Variants in LRP1B observed in about 807,000 individuals in gnomAD.
The protein encoded by LRP1B is low-density lipoprotein receptor-related protein 1B.
In LRP1B, 217 loss-of-function variants were observed where a neutral mutation model predicts 556.6. The ratio of observed to expected loss-of-function variants is 0.39; its 90% CI spans 0.35 to 0.44. The LOEUF is 0.44. Ranked by LOEUF, LRP1B falls within the 20% of genes least tolerant of loss-of-function variation. The probability of loss-of-function intolerance (pLI) is 1.00; values close to 1 mark genes in which losing one functional copy is unlikely to be tolerated. For missense variants in LRP1B, 5,053 were observed against 5,620.8 expected, an observed-to-expected ratio of 0.90 and a Z score of 3.23; for synonymous variants, 2,047 against 1,865.8, an observed-to-expected ratio of 1.10 and a Z score of -2.50.
intron 67 of LRP1B, among the ~76,000 whole-genome samples, chr2:140,383,162 A>G (rs900780612): frequency 6.6e-6 from 1 of 152,142 alleles, no homozygotes; most frequent in Non-Finnish European, 1.5e-5. Flanking sequence ...TATGTCTGTG[A>G]TATGTTTCAC....
chr2:140,628,124 C>G (rs1475858658), intron 41 of LRP1B, among the ~76,000 whole-genome samples: 1 of 152,136 alleles, frequency 6.6e-6, no homozygotes, highest in Non-Finnish European at 1.5e-5. Flanking sequence ...AAATGCGGTG[C>G]CTTCACAATC....
At chr2:140,449,601 A>G (rs1390718146) in intron 63 of LRP1B, among the ~76,000 whole-genome samples, 1 of 152,196 alleles carries the variant, frequency 6.6e-6, no homozygotes, top group Non-Finnish European at 1.5e-5. Flanking sequence ...GCTTTCAAAC[A>G]TATGCACTAT....
At chr2:141,334,609 T>C (rs1360859700) in intron 3 of LRP1B, among the ~76,000 whole-genome samples, 1 of 152,222 alleles carries the variant, frequency 6.6e-6, no homozygotes, top group East Asian at 1.9e-4. Context: ...TGGAGTGTAG[T>C]GGCACCATCT....
intron 3 of LRP1B, among the ~76,000 whole-genome samples, chr2:141,264,705 T>C (rs1684823270): frequency 6.6e-6 from 1 of 152,226 alleles, no homozygotes; most frequent in African/African-American, 2.4e-5. Context: ...TCCACCTGCC[T>C]TGGCCTCCCG....
chr2:140,886,362 C>T (rs1363900727), intron 23 of LRP1B, 27 bp from the exon 24 acceptor site: 9 of 1,307,112 alleles, frequency 6.9e-6, no homozygotes, highest in Non-Finnish European at 9.6e-6. Context: ...TTTTAATAGG[C>T]TTATGAAAAT....
chr2:140,718,371 A>T (rs1687283673), intron 35 of LRP1B, among the ~76,000 whole-genome samples: 1 of 151,912 alleles, frequency 6.6e-6, no homozygotes. Flanking sequence ...TCCATTACCA[A>T]GCATTTTTTG....
intron 2 of LRP1B, among the ~76,000 whole-genome samples, chr2:141,784,062 T>A (rs943413065): frequency 6.6e-6 from 1 of 152,110 alleles, no homozygotes; most frequent in Non-Finnish European, 1.5e-5. Flanking sequence ...CTTTTTTAAG[T>A]GATCGCATTT....
At chr2:141,765,832 A>T (rs2105604815) in intron 2 of LRP1B, among the ~76,000 whole-genome samples, 1 of 152,278 alleles carries the variant, frequency 6.6e-6, no homozygotes, top group African/African-American at 2.4e-5. Context: ...TCTCCTCAGA[A>T]CTTGTTACAA....
At chr2:141,949,582 G>A (rs1431123464) in intron 1 of LRP1B, among the ~76,000 whole-genome samples, 1 of 152,166 alleles carries the variant, frequency 6.6e-6, no homozygotes, top group Non-Finnish European at 1.5e-5. Context: ...TAGAGACAAG[G>A]TTTCACCATG....
chr2:141,864,379 A>C (rs745797688), intron 1 of LRP1B, among the ~76,000 whole-genome samples: 2 of 152,174 alleles, frequency 1.3e-5, no homozygotes, highest in African/African-American at 4.8e-5. Flanking sequence ...AAAGATGTTC[A>C]TCATTATCAC....
intron 2 of LRP1B, among the ~76,000 whole-genome samples, chr2:141,529,220 T>C (rs1200099820): frequency 6.6e-6 from 1 of 152,202 alleles, no homozygotes; most frequent in African/African-American, 2.4e-5. Flanking sequence ...TCTGGTTTTG[T>C]GATTAGTCTA....
At position 140,322,078 on chromosome 2, in the gene LRP1B, T is replaced by C; in HGVS notation, c.12525A>G (p.Pro4175=). ...HRYKQLDLPN[P]CLDLACEFLC... ...GAAATTCGCATGCTAAATCCAAGCA[T>C]GGATTGGGTACTGGTGAAACAAAAG... The change falls in exon 82 of 91, where the codon CCA becomes CCG. Residue 4175 remains proline, a synonymous_variant. Transcript: ENST00000389484. The C allele has an allele frequency of 6.2e-7, 1 of 1,612,714 alleles. No homozygotes were observed. The highest frequency in any genetic ancestry group is 2.2e-5 in the East Asian group (1 of 44,758).
intron 83 of LRP1B, among the ~76,000 whole-genome samples, chr2:140,307,909 A>G (rs1480188123): frequency 6.6e-6 from 1 of 151,872 alleles, no homozygotes; most frequent in African/African-American, 2.4e-5. Flanking sequence ...ATTAAGTAAC[A>G]TATCTAAGGA....
intron 32 of LRP1B, among the ~76,000 whole-genome samples, chr2:140,796,710 C>A (rs1238700775): frequency 6.6e-6 from 1 of 152,038 alleles, no homozygotes; most frequent in Non-Finnish European, 1.5e-5. Context: ...TGCAAAGTAA[C>A]TTATCTCTTT....
At chr2:140,838,131 G>A (rs1691977450) in intron 31 of LRP1B, among the ~76,000 whole-genome samples, 1 of 151,994 alleles carries the variant, frequency 6.6e-6, no homozygotes, top group Non-Finnish European at 1.5e-5. Flanking sequence ...CACCATTATG[G>A]AAATAAGCAT....
intron 78 of LRP1B, among the ~76,000 whole-genome samples, chr2:140,335,403 C>CATAATAATAA (rs1681030366): frequency 6.6e-6 from 1 of 151,752 alleles, no homozygotes; most frequent in South Asian, 2.1e-4. Context: ...ATACTGAATG[C>CATAATAATAA]ATAATACAGG....
At chr2:140,906,677 CT>C (rs1334502753) in intron 22 of LRP1B, among the ~76,000 whole-genome samples, 3 of 152,008 alleles carry the variant, frequency 2.0e-5, no homozygotes, top group African/African-American at 7.2e-5. Flanking sequence ...TAATTACATT[CT>C]TTAAGAGTAT....
At chr2:141,199,250 C>A (rs1681893431) in intron 6 of LRP1B, among the ~76,000 whole-genome samples, 1 of 152,174 alleles carries the variant, frequency 6.6e-6, no homozygotes, top group Non-Finnish European at 1.5e-5. Context: ...GCTTACTAGA[C>A]TTTAGCTCAA....
chr2:141,098,603 A>G (rs1178108459), intron 7 of LRP1B, among the ~76,000 whole-genome samples: 3 of 152,144 alleles, frequency 2.0e-5, no homozygotes, highest in Non-Finnish European at 4.4e-5. Context: ...GTGGTCTATG[A>G]TGATTAAAGG....
Sources: allele counts gnomAD v4.1 joint callset (sites outside exome capture counted in the v4.1 genomes callset), GRCh38; gene constraint gnomAD v4.1.1; transcripts MANE v1.5; gene names NCBI Gene and HGNC (gene_info 2026-07-23, HGNC 2026-07-21).